Variants in ALDH6A1 observed in about 807,000 individuals in gnomAD.
ALDH6A1 encodes methylmalonate-semialdehyde/malonate-semialdehyde dehydrogenase [acylating], mitochondrial.
Under a neutral mutation model 62.6 loss-of-function variants are expected in ALDH6A1, and 43 were observed. That is an observed-to-expected ratio of 0.69 (90% CI 0.54 to 0.89). ALDH6A1 has a LOEUF of 0.89. ALDH6A1 is among the 40% of genes least tolerant of loss of function. The probability of loss-of-function intolerance (pLI) is 0.00; values close to 1 mark genes in which losing one functional copy is unlikely to be tolerated. For missense variants in ALDH6A1, 551 were observed against 661.3 expected, an observed-to-expected ratio of 0.83 and a Z score of 1.83; for synonymous variants, 194 against 234.2, an observed-to-expected ratio of 0.83 and a Z score of 1.57.
At chr14:74,077,884 C>T (rs1375582301) in intron 1 of ALDH6A1, among the ~76,000 whole-genome samples, 1 of 152,170 alleles carries the variant, frequency 6.6e-6, no homozygotes, top group Non-Finnish European at 1.5e-5. Context: ...TAAACCTGAT[C>T]AGGACTGTCC....
rs758405647 is a variant in ALDH6A1 at position 74,067,505 on chromosome 14, A to G, written c.917T>C (p.Val306Ala). The G allele has an allele frequency of 4.3e-6, 7 of 1,614,110 alleles. No homozygotes were observed. Among genetic ancestry groups the G allele is most frequent in the Non-Finnish European group, 5.1e-6 (6 of 1,180,030 alleles). ...ANKENTLNQL[V>A]GAAFGAAGQR... ...ACCAGCAGCTCCAAATGCTGCCCCA[A>G]CCAGCTGGTTCAGGGTATTTTCCTT... Residue 306 changes from valine (V) to alanine (A), a missense_variant, in exon 8 of 12, where the codon GTT becomes GCT. Val to Ala is a moderately conservative substitution (Grantham distance 64). Coordinates refer to ENST00000553458, the MANE Select transcript of ALDH6A1 (RefSeq NM_005589.4).
chr14:74,070,843 T>C (rs1306943688), intron 6 of ALDH6A1: 1 of 286,260 alleles, frequency 3.5e-6, no homozygotes, highest in Non-Finnish European at 6.6e-6. Flanking sequence ...TATTATTACA[T>C]GAATTAGAAG....
intron 2 of ALDH6A1, 107 bp from the exon 3 acceptor site, chr14:74,072,718 T>G: frequency 7.9e-7 from 1 of 1,262,312 alleles, no homozygotes; most frequent in South Asian, 1.3e-5. Flanking sequence ...GAAAACAAGT[T>G]GATAACGGAA....
At chr14:74,075,157 A>T in intron 1 of ALDH6A1, 140 bp from the exon 2 acceptor site, 1 of 732,334 alleles carries the variant, frequency 1.4e-6, no homozygotes, top group Non-Finnish European at 2.4e-6. Flanking sequence ...TTAAAGAGAA[A>T]AGATATGAAT....
chr14:74,069,149 G>C, intron 6 of ALDH6A1, 168 bp from the exon 7 acceptor site: 1 of 663,648 alleles, frequency 1.5e-6, no homozygotes, highest in Non-Finnish European at 2.3e-6. Context: ...CTGTTGCCCA[G>C]GCTGGAGTGC....
chr14:74,069,105 T>TTTC, intron 6 of ALDH6A1, 124 bp from the exon 7 acceptor site: 2 of 913,952 alleles, frequency 2.2e-6, no homozygotes, highest in East Asian at 3.2e-5. Context: ...CTTTTTCTTT[T>TTTC]TTTTTTTTTT....
chr14:74,058,065 C>T lies in ALDH6A1; in HGVS notation c.*2577G>A, dbSNP rs1455381143. 4.1e-5 allele frequency: 12 copies of T among 294,644 alleles called. No individual in the cohort carries two copies. Among genetic ancestry groups the T allele is most frequent in the South Asian group, 1.3e-4 (1 of 7,628 alleles). 18.3% of individuals were successfully genotyped at this position (294,644 alleles called of 1,614,324 possible). A position where few individuals can be genotyped will look rare whatever the true frequency, so the allele number is the denominator to read the frequency against. ...TACCAGGGCCAGGTGCGGTGGTTCA[C>T]GCCTGTAATCCCAGCACTTTGGGAG... is the stretch of plus-strand genomic sequence containing the variant. On this transcript the variant is annotated 3_prime_UTR_variant, in exon 12 of 12. Coordinates refer to ENST00000553458, the MANE Select transcript of ALDH6A1 (RefSeq NM_005589.4).
chr14:74,068,166 C>G (rs921312481), intron 7 of ALDH6A1, among the ~76,000 whole-genome samples: 2 of 150,256 alleles, frequency 1.3e-5, no homozygotes, highest in African/African-American at 4.9e-5. Context: ...GGGTGGATCA[C>G]TTGAGGTCAG....
chr14:74,071,664 A>C, intron 5 of ALDH6A1, 167 bp from the exon 6 acceptor site: 1 of 1,524,560 alleles, frequency 6.6e-7, no homozygotes, highest in Non-Finnish European at 8.8e-7. Flanking sequence ...AGATTCTCTG[A>C]ATGGGAAAAA....
intron 3 of ALDH6A1, 48 bp downstream of exon 3, chr14:74,072,489 C>T (rs754990435): frequency 1.9e-6 from 3 of 1,613,780 alleles, no homozygotes; most frequent in Admixed American, 1.7e-5. Flanking sequence ...CATCATGTCC[C>T]TAGAATTCTA....
rs771261871 is a variant in ALDH6A1, at chr14:74,072,614, G to GA, written c.112-4dup. On this transcript the variant is annotated splice_polypyrimidine_tract_variant and splice_region_variant and intron_variant, in intron 2 of 11. Coordinates refer to ENST00000553458, the MANE Select transcript of ALDH6A1 (RefSeq NM_005589.4). ...CCAATGAAGAGCTTTACAGTTGGCT[G>GA]AAAAAAACAAACAAACAAACAAACA... 8.1e-4 allele frequency: 1,271 copies of GA among 1,566,366 alleles called. No individual in the cohort carries two copies. Among genetic ancestry groups the GA allele is most frequent in the East Asian group, 6.4e-3 (246 of 38,362 alleles).
chr14:74,072,155 C>A, intron 4 of ALDH6A1, 48 bp downstream of exon 4: 2 of 1,613,566 alleles, frequency 1.2e-6, no homozygotes, highest in Non-Finnish European at 1.7e-6. Flanking sequence ...GAGTGACAAA[C>A]ATGCCCTAGG....
In ALDH6A1 at chr14:74,071,293, G is replaced by A; in HGVS notation, c.632C>T (p.Ser211Phe). ...CATAGTTGCTCCAGGGACTCGCTCA[G>A]ATGGTTTCATTAGGAAGGTATTTCC... ...VCGNTFLMKP[S>F]ERVPGATMLL... The change falls in exon 6 of 12, where the codon TCT (serine) becomes TTT (phenylalanine). Residue 211 changes from serine to phenylalanine, a missense_variant. Physicochemically the swap from Ser to Phe is radical, Grantham distance 155 (BLOSUM62 -2). Coordinates refer to ENST00000553458, the MANE Select transcript of ALDH6A1 (RefSeq NM_005589.4). 3 of 1,614,174 alleles carry A rather than the reference G, an allele frequency of 1.9e-6. No homozygotes were observed. Among genetic ancestry groups the A allele is most frequent in the Non-Finnish European group, 2.5e-6 (3 of 1,180,036 alleles).
intron 11 of ALDH6A1, among the ~76,000 whole-genome samples, chr14:74,063,612 T>A (rs1045215429): frequency 4.0e-5 from 6 of 151,448 alleles, no homozygotes; most frequent in Non-Finnish European, 7.4e-5. Context: ...ATGCCTGTAA[T>A]CCCAGCACTT....
chr14:74,062,151 T>C (rs1220498188), intron 11 of ALDH6A1, among the ~76,000 whole-genome samples: 1 of 149,776 alleles, frequency 6.7e-6, no homozygotes, highest in Non-Finnish European at 1.5e-5. Flanking sequence ...GAGCCGAGAA[T>C]GCACCATTGC....
chr14:74,063,606 C>T (rs1051574053), intron 11 of ALDH6A1, among the ~76,000 whole-genome samples: 7 of 151,882 alleles, frequency 4.6e-5, no homozygotes, highest in African/African-American at 1.7e-4. Flanking sequence ...TGGCTCATGC[C>T]TGTAATCCCA....
rs1262188879 is a variant in ALDH6A1 at position 74,066,734 on chromosome 14, C to G, written c.1195G>C (p.Val399Leu). The stretch of plus-strand genomic sequence containing the variant: ...ACATTCGAGATGATGGTTGGTCCAA[C>G]AAAGTTGCCATTTTCATAGCCTTTC... Reference protein sequence around the residue: ...KVKGYENGNFVGPTIISNVKP... With the variant: ...KVKGYENGNFLGPTIISNVKP... The change falls in exon 9 of 12, where the codon GTT becomes CTT. Residue 399 changes from valine to leucine, a missense_variant. By Grantham distance (32) the Val-to-Leu change is conservative (BLOSUM62 1). Coordinates refer to ENST00000553458, the MANE Select transcript of ALDH6A1 (RefSeq NM_005589.4). The G allele has an allele frequency of 6.2e-7, 1 of 1,613,978 alleles. No homozygotes were observed. Among genetic ancestry groups the G allele is most frequent in the Non-Finnish European group, 8.5e-7 (1 of 1,180,026 alleles).
chr14:74,072,542 T>G lies in ALDH6A1; in HGVS notation c.181A>C (p.Asn61His). 1 of 1,614,204 alleles carries G rather than the reference T, an allele frequency of 6.2e-7. No individual in the cohort carries two copies. Among genetic ancestry groups the G allele is most frequent in the Non-Finnish European group, 8.5e-7 (1 of 1,180,036 alleles). Reference sequence around the variant, plus strand: ...CCCAAAGCAGCTTCGCTTACTGGGTTGTGGATATCGATCCATTTGTCACTT... The same window carrying G: ...CCCAAAGCAGCTTCGCTTACTGGGTGGTGGATATCGATCCATTTGTCACTT... ...SKSDKWIDIH[N>H]PATNEVIGRV... Residue 61 changes from asparagine to histidine, a missense_variant, in exon 3 of 12, where the codon AAC becomes CAC. Coordinates refer to ENST00000553458, the MANE Select transcript of ALDH6A1 (RefSeq NM_005589.4).
Position 74,057,352 on chromosome 14 carries a change from G to A in ALDH6A1, c.*3290C>T. 6.3e-7 allele frequency: 1 copy of A among 1,583,826 alleles called. No individual in the cohort carries two copies. Among genetic ancestry groups the A allele is most frequent in the Non-Finnish European group, 8.6e-7 (1 of 1,163,908 alleles). ...ATCACGGTTATTTTCTCTACTAGTT[G>A]AGAGACTTCAGGGATCAGTGGAATG... On this transcript the variant is annotated 3_prime_UTR_variant, in exon 12 of 12. Coordinates refer to ENST00000553458, the MANE Select transcript of ALDH6A1 (RefSeq NM_005589.4).
Sources: allele counts gnomAD v4.1 joint callset (sites outside exome capture counted in the v4.1 genomes callset), GRCh38; gene constraint gnomAD v4.1.1; transcripts MANE v1.5; gene names NCBI Gene and HGNC (gene_info 2026-07-23, HGNC 2026-07-21).